The following ALKBH3 variants were observed in gnomAD, a reference collection of about 807,000 sequenced individuals.
ALKBH3 encodes alkB homolog 3, alpha-ketoglutarate dependent dioxygenase, also known as alpha-ketoglutarate-dependent dioxygenase alkB homolog 3.
A neutral mutation model predicts 43.9 loss-of-function variants in ALKBH3; 51 were observed. That is an observed-to-expected ratio of 1.16 (90% CI 0.93 to 1.47). The LOEUF is 1.47. ALKBH3 is among the 40% of genes most tolerant of loss of function. The pLI is 0.00. For missense variants in ALKBH3, 361 were observed against 351.9 expected, an observed-to-expected ratio of 1.03 and a Z score of -0.21; for synonymous variants, 102 against 115.2, an observed-to-expected ratio of 0.89 and a Z score of 0.73.
intron 7 of ALKBH3, chr11:43,899,273 G>C (rs555736489): frequency 4.2e-6 from 3 of 718,136 alleles, no homozygotes; most frequent in Non-Finnish European, 7.8e-6. Context: ...AGGAGAAGGC[G>C]TGCAGGGCTC....
chr11:43,901,433 C>T, intron 7 of ALKBH3, 83 bp from the exon 8 acceptor site: 1 of 1,533,558 alleles, frequency 6.5e-7, no homozygotes. Flanking sequence ...CTGATTTTGC[C>T]CTTTCTTTTC....
intron 4 of ALKBH3, 83 bp from the exon 5 acceptor site, chr11:43,886,523 C>A: frequency 7.2e-7 from 1 of 1,386,198 alleles, no homozygotes; most frequent in Non-Finnish European, 1.0e-6. Flanking sequence ...AGGACTTTGG[C>A]AGTTCAGAAG....
intron 8 of ALKBH3, among the ~76,000 whole-genome samples, chr11:43,905,949 G>A (rs543593672): frequency 6.6e-6 from 1 of 152,310 alleles, no homozygotes; most frequent in South Asian, 2.1e-4. Flanking sequence ...ATGGCTGGGG[G>A]GTGTTATTAG....
At chr11:43,899,062 C>G (rs769588941) in intron 7 of ALKBH3, 3 of 749,158 alleles carry the variant, frequency 4.0e-6, no homozygotes, top group Non-Finnish European at 7.5e-6. Context: ...GTGGATGCCT[C>G]TTCAGTCACC....
chr11:43,904,713 A>C (rs1951884492), intron 8 of ALKBH3, among the ~76,000 whole-genome samples: 1 of 152,040 alleles, frequency 6.6e-6, no homozygotes, highest in Non-Finnish European at 1.5e-5. Flanking sequence ...CCTTTTTTCC[A>C]AAGGATTGAA....
chr11:43,920,221 C>G lies in ALKBH3; in HGVS notation c.*211C>G. ...GGAACAGTTATCCCTAACCACAGCT[C>G]AAAATCGCTATCATCTTTAGGCAAA... On this transcript the variant is annotated 3_prime_UTR_variant, in exon 10 of 10. Coordinates refer to ENST00000302708, the MANE Select transcript of ALKBH3 (RefSeq NM_139178.4). 1.9e-6 allele frequency: 1 copy of G among 529,762 alleles called. No homozygotes were observed. The highest frequency in any genetic ancestry group is 3.4e-6 in the Non-Finnish European group (1 of 296,992). 32.8% of individuals were successfully genotyped at this position (529,762 alleles called of 1,614,324 possible).
intron 5 of ALKBH3, 90 bp from the exon 6 acceptor site, chr11:43,889,635 C>A (rs1951769474): frequency 2.8e-6 from 3 of 1,059,368 alleles, no homozygotes; most frequent in African/African-American, 1.6e-5. Context: ...CCATTAGAGG[C>A]TGCATCCAGA....
chr11:43,900,807 G>A (rs1933501395), intron 7 of ALKBH3, among the ~76,000 whole-genome samples: 1 of 152,104 alleles, frequency 6.6e-6, no homozygotes, highest in African/African-American at 2.4e-5. Context: ...AATATACATG[G>A]CAAGACAGTT....
intron 6 of ALKBH3, among the ~76,000 whole-genome samples, chr11:43,891,539 G>A (rs1473076769): frequency 6.6e-6 from 1 of 152,122 alleles, no homozygotes; most frequent in African/African-American, 2.4e-5. Context: ...GAACATCAAA[G>A]CCTTCTGATG....
intron 7 of ALKBH3, among the ~76,000 whole-genome samples, chr11:43,892,746 G>A (rs550333162): frequency 2.0e-5 from 3 of 152,300 alleles, no homozygotes; most frequent in African/African-American, 7.2e-5. Flanking sequence ...CTTGCCTTTG[G>A]CAAATAATGT....
intron 5 of ALKBH3, among the ~76,000 whole-genome samples, chr11:43,888,570 C>T (rs1951761979): frequency 6.6e-6 from 1 of 152,224 alleles, no homozygotes; most frequent in Non-Finnish European, 1.5e-5. Context: ...AGAACTTACA[C>T]ATCTAGATGA....
intron 8 of ALKBH3, among the ~76,000 whole-genome samples, chr11:43,918,236 G>A (rs1377070174): frequency 6.6e-6 from 1 of 152,184 alleles, no homozygotes; most frequent in African/African-American, 2.4e-5. Flanking sequence ...AGCTGTGGAG[G>A]AGCCACACTA....
intron 8 of ALKBH3, chr11:43,909,669 T>C (rs921775622): frequency 1.3e-5 from 2 of 152,210 alleles, no homozygotes; most frequent in African/African-American, 4.8e-5. Flanking sequence ...AAATATCATT[T>C]CAGTCTGCAA....
chr11:43,918,147 T>C (rs1951998545), intron 8 of ALKBH3, among the ~76,000 whole-genome samples: 2 of 152,208 alleles, frequency 1.3e-5, no homozygotes, highest in African/African-American at 2.4e-5. Context: ...ATCAGGAAGC[T>C]CAGATCTGTC....
chr11:43,896,378 G>A (rs575906273), intron 7 of ALKBH3, among the ~76,000 whole-genome samples: 1 of 152,234 alleles, frequency 6.6e-6, no homozygotes, highest in African/African-American at 2.4e-5. Context: ...TGCAAGCCGA[G>A]GAGCAAGGAG....
intron 7 of ALKBH3, among the ~76,000 whole-genome samples, chr11:43,892,614 G>A (rs1289642017): frequency 6.6e-6 from 1 of 152,180 alleles, no homozygotes; most frequent in African/African-American, 2.4e-5. Flanking sequence ...TGTTTCTGCT[G>A]CTGCTTTTGC....
At chr11:43,884,661 A>G (rs1460077494) in intron 4 of ALKBH3, among the ~76,000 whole-genome samples, 2 of 152,214 alleles carry the variant, frequency 1.3e-5, no homozygotes, top group African/African-American at 4.8e-5. Context: ...GTTCTTGCCC[A>G]TGATCAATCT....
chr11:43,889,084 A>T (rs35613366), intron 5 of ALKBH3, among the ~76,000 whole-genome samples: 2 of 152,118 alleles, frequency 1.3e-5, no homozygotes, highest in East Asian at 3.9e-4. Flanking sequence ...GCTAGAGTGC[A>T]ATGGTGTCAT....
intron 4 of ALKBH3, among the ~76,000 whole-genome samples, chr11:43,886,265 C>G (rs1241318583): frequency 1.3e-5 from 2 of 152,194 alleles, no homozygotes; most frequent in East Asian, 3.9e-4. Context: ...TCCCCTATTC[C>G]ACATTCTCCA....
Sources: allele counts gnomAD v4.1 joint callset (sites outside exome capture counted in the v4.1 genomes callset), GRCh38; gene constraint gnomAD v4.1.1; transcripts MANE v1.5; gene names NCBI Gene and HGNC (gene_info 2026-07-23, HGNC 2026-07-21).